ZMAT4: variants seen among roughly 807,000 people sequenced by gnomAD.
ZMAT4 encodes zinc finger matrin-type 4, also known as zinc finger matrin-type protein 4.
ZMAT4 carries 17 observed loss-of-function variants against 28.7 expected under a neutral mutation model. The ratio of observed to expected loss-of-function variants is 0.59; its 90% CI spans 0.41 to 0.89. ZMAT4 has a LOEUF of 0.89. Ranked by LOEUF, ZMAT4 falls within the 40% of genes least tolerant of loss-of-function variation. The pLI, the probability that ZMAT4 is intolerant of heterozygous loss-of-function variation, is 0.00. For missense variants in ZMAT4, 240 were observed against 283.8 expected, an observed-to-expected ratio of 0.85 and a Z score of 1.11; for synonymous variants, 117 against 109.2, an observed-to-expected ratio of 1.07 and a Z score of -0.44.
chr8:40,652,485 G>A (rs9693634), intron 5 of ZMAT4, among the ~76,000 whole-genome samples: 7,152 of 27,530 alleles, frequency 0.26, 1,049 homozygotes, highest in East Asian at 0.39. Flanking sequence ...ACTGTTGGTG[G>A]GACTGTAAAC....
chr8:40,753,937 C>T (rs1427360594), intron 3 of ZMAT4, among the ~76,000 whole-genome samples: 1 of 152,126 alleles, frequency 6.6e-6, no homozygotes, highest in Non-Finnish European at 1.5e-5. Context: ...CTTGTAATCC[C>T]AGTGTTTTGG....
chr8:40,570,168 C>T (rs938851630), intron 6 of ZMAT4, among the ~76,000 whole-genome samples: 5 of 152,130 alleles, frequency 3.3e-5, no homozygotes, highest in Admixed American at 6.5e-5. Flanking sequence ...CCATTAAGTT[C>T]TAGAATAGAC....
intron 3 of ZMAT4, among the ~76,000 whole-genome samples, chr8:40,700,894 G>A (rs138731514): frequency 2.3e-4 from 35 of 152,320 alleles, no homozygotes; most frequent in Non-Finnish European, 4.1e-4. Flanking sequence ...CTAGGAAACT[G>A]TCTCATTGAT....
At chr8:40,577,141 C>A (rs1164234652) in intron 6 of ZMAT4, among the ~76,000 whole-genome samples, 2 of 152,056 alleles carry the variant, frequency 1.3e-5, no homozygotes, top group Non-Finnish European at 2.9e-5. Context: ...TTGCAGTGAG[C>A]CGAGACTGTG....
At chr8:40,625,596 G>A (rs530539098) in intron 5 of ZMAT4, among the ~76,000 whole-genome samples, 7 of 152,086 alleles carry the variant, frequency 4.6e-5, no homozygotes, top group Non-Finnish European at 8.8e-5. Flanking sequence ...ACACAGCTTT[G>A]GGCAAAAGTA....
intron 1 of ZMAT4, among the ~76,000 whole-genome samples, chr8:40,848,411 G>GA (rs1448482748): frequency 6.6e-6 from 1 of 152,098 alleles, no homozygotes; most frequent in African/African-American, 2.4e-5. Context: ...CACCATCACT[G>GA]AAAAAACATA....
At chr8:40,672,136 T>C (rs1462472454) in intron 5 of ZMAT4, among the ~76,000 whole-genome samples, 2 of 152,152 alleles carry the variant, frequency 1.3e-5, no homozygotes, top group Admixed American at 6.5e-5. Flanking sequence ...TTTAAAAATG[T>C]GAGAAGTGCT....
intron 5 of ZMAT4, among the ~76,000 whole-genome samples, chr8:40,612,137 C>G (rs1805823646): frequency 6.6e-6 from 1 of 152,164 alleles, no homozygotes; most frequent in South Asian, 2.1e-4. Context: ...CAGAGTTATA[C>G]AGGATCAACA....
chr8:40,606,917 T>C (rs1474822696), intron 5 of ZMAT4, among the ~76,000 whole-genome samples: 1 of 152,132 alleles, frequency 6.6e-6, no homozygotes, highest in African/African-American at 2.4e-5. Context: ...TCCTTTTTTC[T>C]TTGTCTTTGT....
intron 6 of ZMAT4, among the ~76,000 whole-genome samples, chr8:40,552,723 A>G (rs962600167): frequency 3.3e-5 from 5 of 152,164 alleles, no homozygotes; most frequent in African/African-American, 1.2e-4. Context: ...AGGCAACTAC[A>G]CACTCTGCAG....
chr8:40,590,244 C>A (rs537302820), intron 5 of ZMAT4, among the ~76,000 whole-genome samples: 1 of 151,416 alleles, frequency 6.6e-6, no homozygotes, highest in Admixed American at 6.6e-5. Flanking sequence ...GTTGTCCAGG[C>A]AGTTCTCAAA....
At chr8:40,686,113 A>G (rs1461127878) in intron 4 of ZMAT4, among the ~76,000 whole-genome samples, 1 of 152,204 alleles carries the variant, frequency 6.6e-6, no homozygotes, top group Non-Finnish European at 1.5e-5. Flanking sequence ...ATAGAGAGCC[A>G]TCCATGACCT....
At chr8:40,625,470 G>T (rs1264883133) in intron 5 of ZMAT4, among the ~76,000 whole-genome samples, 1 of 152,094 alleles carries the variant, frequency 6.6e-6, no homozygotes, top group African/African-American at 2.4e-5. Flanking sequence ...GCTTAGGGTG[G>T]TTGCGATAGA....
At chr8:40,747,026 C>G (rs531522184) in intron 3 of ZMAT4, among the ~76,000 whole-genome samples, 2 of 152,296 alleles carry the variant, frequency 1.3e-5, no homozygotes, top group South Asian at 2.1e-4. Context: ...ATCCATAGCA[C>G]TTATGAGAGC....
At chr8:40,787,267 C>T (rs537305295) in intron 2 of ZMAT4, among the ~76,000 whole-genome samples, 186 of 152,210 alleles carry the variant, frequency 1.2e-3, no homozygotes, top group Admixed American at 3.6e-3. Context: ...AGAATAGGTT[C>T]CCAGACCCGC....
At position 40,609,131 on chromosome 8, in the gene ZMAT4, T is replaced by C. The variant is rs539525714; in HGVS notation, c.578-27870A>G. 8.5e-5 allele frequency among the ~76,000 whole-genome samples: 13 copies of C among 152,322 alleles called. No individual in the cohort carries two copies. The South Asian group carries it at 2.7e-3, about 32-fold the overall frequency. On this transcript the variant is annotated intron_variant, in intron 5 of 6. Transcript: ENST00000297737. ...CAGCAACTTTTAATTTTCAATACATTGCAGACCATACTTTAGCAAAATTCT... is the reference window on the plus strand; with the variant it reads ...CAGCAACTTTTAATTTTCAATACATCGCAGACCATACTTTAGCAAAATTCT...
chr8:40,592,354 G>A (rs1443234093), intron 5 of ZMAT4, among the ~76,000 whole-genome samples: 2 of 152,162 alleles, frequency 1.3e-5, no homozygotes, highest in East Asian at 3.9e-4. Context: ...CCTAGTTAAA[G>A]AGCCTGTATT....
At position 40,801,351 on chromosome 8, in the gene ZMAT4, A is replaced by AAAAT. The variant is rs370796453; in HGVS notation, c.102+24223_102+24224insATTT. Among the ~76,000 whole-genome samples the AAAAT allele has an allele frequency of 6.7e-3, 652 of 97,246 alleles. 3 individuals are homozygous for AAAAT. The highest frequency in any genetic ancestry group is 0.02 in the Middle Eastern group (3 of 148). 63.8% of individuals were successfully genotyped at this position (97,246 alleles called of 152,430 possible). On this transcript the variant is annotated intron_variant, in intron 2 of 6. Transcript: ENST00000297737. ...AGATGATACTTTCTTTAAAAAAAAA[A>AAAAT]ATATATATATATATATATATACATA... is the stretch of plus-strand genomic sequence containing the variant.
At chr8:40,630,669 C>T (rs919049098) in intron 5 of ZMAT4, among the ~76,000 whole-genome samples, 13 of 152,150 alleles carry the variant, frequency 8.5e-5, no homozygotes, top group African/African-American at 2.2e-4. Context: ...ACAACAGCAT[C>T]GCTAAAACCC....
Sources: gnomAD v4.1 joint callset for allele counts (sites outside exome capture counted in the v4.1 genomes callset) on GRCh38, gnomAD v4.1.1 for gene constraint, MANE v1.5 for transcripts, NCBI Gene and HGNC (gene_info 2026-07-23, HGNC 2026-07-21) for gene names.